MPP3: variants seen among roughly 807,000 people sequenced by gnomAD.
MPP3 encodes MAGUK p55 subfamily member 3.
Under a neutral mutation model 80.7 loss-of-function variants are expected in MPP3, and 48 were observed. The ratio of observed to expected loss-of-function variants is 0.59; its 90% confidence interval spans 0.47 to 0.76. The LOEUF (loss-of-function observed/expected upper bound fraction) is 0.76. Among genes scored for constraint, MPP3 ranks in the 30% least tolerant of loss-of-function variants. The pLI is 0.00. For missense variants in MPP3, 620 were observed against 763.0 expected (o/e 0.81, Z 2.21); for synonymous variants, 311 against 297.6 (o/e 1.04, Z -0.46).
rs763410845 is a variant in MPP3, at chr17:43,829,696, T to TTCCTCATCAAAA, written c.387_398dup (p.Asp129_Glu132dup). 6.2e-7 allele frequency: 1 copy of TTCCTCATCAAAA among 1,614,070 alleles called. No individual in the cohort carries two copies. On this transcript the variant is annotated inframe_insertion, in exon 7 of 20. Coordinates refer to ENST00000398389, the MANE Select transcript of MPP3 (RefSeq NM_001932.6). ...TCACCAAGCGGACGATCTTCACCGATTCCTCATCAAAATCCTCATCGATAT... is the reference window on the plus strand; with the variant it reads ...TCACCAAGCGGACGATCTTCACCGATTCCTCATCAAAATCCTCATCAAAATCCTCATCGATAT...
At chr17:43,811,486 A>C in intron 16 of MPP3, 3 of 376,310 alleles carry the variant, frequency 8.0e-6, no homozygotes, top group Non-Finnish European at 1.5e-5. Context: ...GTGACCCACA[A>C]CCAGTAGAGA....
intron 16 of MPP3, among the ~76,000 whole-genome samples, chr17:43,812,409 T>C (rs2044906360): frequency 6.6e-6 from 1 of 152,192 alleles, no homozygotes; most frequent in Non-Finnish European, 1.5e-5. Context: ...TATTTATCTA[T>C]GGGTTACATT....
chr17:43,831,378 T>C lies in MPP3; in HGVS notation c.145-57A>G, dbSNP rs1355768519. The C allele has an allele frequency of 1.5e-5, 24 of 1,561,106 alleles. No homozygotes were observed. In the Admixed American group the frequency reaches 3.8e-4, roughly 25 times the overall value. On this transcript the variant is annotated intron_variant, in intron 4 of 19. Transcript: ENST00000398389. ...GGACACCACACATCCCACCCACGGC[T>C]GTGGGGACATTTGGGGCAGCAGACT...
intron 10 of MPP3, among the ~76,000 whole-genome samples, chr17:43,821,810 G>A (rs1458403540): frequency 6.6e-6 from 1 of 152,156 alleles, no homozygotes; most frequent in African/African-American, 2.4e-5. Flanking sequence ...AAGCAATCAG[G>A]GGTCTTCCTC....
At chr17:43,803,434 C>T (rs530867044) in intron 19 of MPP3, among the ~76,000 whole-genome samples, 62 of 152,106 alleles carry the variant, frequency 4.1e-4, no homozygotes, top group Non-Finnish European at 6.5e-4. Context: ...CGATGGAACT[C>T]GCCCACCTGT....
intron 11 of MPP3, 77 bp downstream of exon 11, chr17:43,820,785 A>G: frequency 7.2e-7 from 1 of 1,397,968 alleles, no homozygotes; most frequent in South Asian, 1.3e-5. Context: ...CTGTGAGGGC[A>G]GAGACTTGGG....
At position 43,811,100 on chromosome 17, in the gene MPP3, C is replaced by G; in HGVS notation, c.1349+12G>C. 1.2e-6 allele frequency: 2 copies of G among 1,611,802 alleles called. No individual in the cohort carries two copies. The highest frequency in any genetic ancestry group is 2.2e-5 in the South Asian group (2 of 91,038). On this transcript the variant is annotated intron_variant, in intron 17 of 19. Coordinates refer to ENST00000398389, the MANE Select transcript of MPP3 (RefSeq NM_001932.6). Reference sequence around the variant, plus strand: ...CTGCCTGGAGGGCCAACTGGCCCATCAAGCAACGTACTTGTTGTGATGTAA... The same window carrying G: ...CTGCCTGGAGGGCCAACTGGCCCATGAAGCAACGTACTTGTTGTGATGTAA...
intron 19 of MPP3, among the ~76,000 whole-genome samples, chr17:43,802,862 T>TC (rs1429028181): frequency 6.6e-6 from 1 of 151,696 alleles, no homozygotes; most frequent in Non-Finnish European, 1.5e-5. Flanking sequence ...TTCCAAATAT[T>TC]CCCCCCTCTT....
intron 10 of MPP3, 106 bp downstream of exon 10, chr17:43,823,825 C>G: frequency 3.9e-6 from 3 of 762,550 alleles, no homozygotes; most frequent in Non-Finnish European, 6.7e-6. Context: ...GATCTATGAT[C>G]TGTTCGCAAA....
chr17:43,821,076 T>C lies in MPP3; in HGVS notation c.685-18A>G. The stretch of plus-strand genomic sequence containing the variant: ...ATGAACACCTGCACAAGGAGGGCTC[T>C]GGTGAGGCGGCCCTTCCCCAAGTGA... On this transcript the variant is annotated intron_variant, in intron 10 of 19. Coordinates refer to ENST00000398389, the MANE Select transcript of MPP3 (RefSeq NM_001932.6). The C allele has an allele frequency of 1.9e-6, 3 of 1,610,028 alleles. No homozygotes were observed. Among genetic ancestry groups the C allele is most frequent in the Non-Finnish European group, 1.7e-6 (2 of 1,177,656 alleles).
chr17:43,826,235 G>C (rs938142651), intron 8 of MPP3, among the ~76,000 whole-genome samples: 5 of 152,184 alleles, frequency 3.3e-5, no homozygotes, highest in African/African-American at 9.7e-5. Flanking sequence ...GCATTCTTAA[G>C]TCTTAACAAG....
At position 43,808,951 on chromosome 17, in the gene MPP3, C is replaced by T; in HGVS notation, c.1581+5G>A. On this transcript the variant is annotated splice_donor_5th_base_variant and intron_variant, in intron 19 of 19. Coordinates refer to ENST00000398389, the MANE Select transcript of MPP3 (RefSeq NM_001932.6). The stretch of plus-strand genomic sequence containing the variant: ...CAGAAAAGAAACAATCAACTTTAAA[C>T]TTACAAATGGGGCTGCTGTGTCCTC... 1 of 1,589,924 alleles carries T rather than the reference C, an allele frequency of 6.3e-7. No homozygotes were observed. The highest frequency in any genetic ancestry group is 2.2e-5 in the East Asian group (1 of 44,694).
At chr17:43,829,119 T>C (rs2045844428) in intron 7 of MPP3, among the ~76,000 whole-genome samples, 1 of 152,250 alleles carries the variant, frequency 6.6e-6, no homozygotes, top group African/African-American at 2.4e-5. Flanking sequence ...ACCAAAGTGA[T>C]AGCAGTCTGT....
At chr17:43,817,931 C>T in intron 12 of MPP3, 115 bp downstream of exon 12, 1 of 648,020 alleles carries the variant, frequency 1.5e-6, no homozygotes, top group Non-Finnish European at 2.4e-6. Context: ...TCCATGAGCT[C>T]AGACAAGACC....
chr17:43,831,564 T>A lies in MPP3; in HGVS notation c.139A>T (p.Met47Leu). 1 of 1,608,880 alleles carries A rather than the reference T, an allele frequency of 6.2e-7. No homozygotes were observed. Among genetic ancestry groups the A allele is most frequent in the Non-Finnish European group, 8.5e-7 (1 of 1,175,576 alleles). ...VFSEKSLSYL[M>L]KIHEKLRYYE... ...AGGATGACGTGGGACTTCACCTTCA[T>A]TAAGTAACTGAGGCTTTTTTCACTG... The change falls in exon 4 of 20, where the codon ATG becomes TTG. Residue 47 changes from methionine to leucine, a missense_variant. Transcript: ENST00000398389.
chr17:43,814,100 C>G lies in MPP3; in HGVS notation c.1175-9G>C. 3 of 1,610,312 alleles carry G rather than the reference C, an allele frequency of 1.9e-6. No homozygotes were observed. The highest frequency in any genetic ancestry group is 2.5e-6 in the Non-Finnish European group (3 of 1,177,572). ...TCGGGCTCCCAGAGACCCTGGGAAA[C>G]AAGAAGAAGGCTGACCAGGGTCCCT... is the stretch of plus-strand genomic sequence containing the variant. On this transcript the variant is annotated splice_polypyrimidine_tract_variant and intron_variant, in intron 15 of 19. Transcript: ENST00000398389.
At chr17:43,818,803 G>A (rs2045280822) in intron 11 of MPP3, among the ~76,000 whole-genome samples, 1 of 152,102 alleles carries the variant, frequency 6.6e-6, no homozygotes, top group South Asian at 2.1e-4. Flanking sequence ...GTGCACGTCT[G>A]TAATCCCAGC....
chr17:43,831,541 G>A lies in MPP3; in HGVS notation c.144+18C>T, dbSNP rs2045960122. The A allele has an allele frequency of 1.3e-6, 2 of 1,560,198 alleles. No individual in the cohort carries two copies. The highest frequency in any genetic ancestry group is 1.4e-5 in the African/African-American group (1 of 73,962). ...GACCTCTAGACACCCTTCCACGCAG[G>A]ATGACGTGGGACTTCACCTTCATTA... On this transcript the variant is annotated intron_variant, in intron 4 of 19. Transcript: ENST00000398389.
intron 8 of MPP3, 44 bp from the exon 9 acceptor site, chr17:43,825,885 G>A (rs1386167978): frequency 7.3e-6 from 9 of 1,241,154 alleles, no homozygotes; most frequent in South Asian, 3.6e-5. Flanking sequence ...AGGAGGACCT[G>A]AGCACCCCTC....
Sources: gnomAD v4.1 joint callset for allele counts (sites outside exome capture counted in the v4.1 genomes callset) on GRCh38, gnomAD v4.1.1 for gene constraint, MANE v1.5 for transcripts, NCBI Gene and HGNC (gene_info 2026-07-23, HGNC 2026-07-21) for gene names.